The following EPB41L2 variants were observed in gnomAD, a reference collection of about 807,000 sequenced individuals.
The protein encoded by EPB41L2 is erythrocyte membrane protein band 4.1 like 2.
In EPB41L2, 43 loss-of-function variants were observed where a neutral mutation model predicts 113.0. The ratio of observed to expected loss-of-function variants is 0.38; its 90% CI spans 0.30 to 0.49. The LOEUF is 0.49. EPB41L2 is among the 20% of genes least tolerant of loss of function. The pLI is 0.95. For synonymous variants in EPB41L2, 442 were observed against 436.7 expected, an observed-to-expected ratio of 1.01 and a Z score of -0.15; for missense variants, 1,147 against 1,223.4, an observed-to-expected ratio of 0.94 and a Z score of 0.93.
At chr6:130,976,181 C>CG (rs1196526279) in intron 1 of EPB41L2, among the ~76,000 whole-genome samples, 6 of 152,132 alleles carry the variant, frequency 3.9e-5, no homozygotes, top group Admixed American at 3.9e-4. Context: ...ACTTCCCAGT[C>CG]GGTCTATAAA....
chr6:130,855,464 C>T (rs566776851), intron 19 of EPB41L2, among the ~76,000 whole-genome samples: 1 of 152,240 alleles, frequency 6.6e-6, no homozygotes, highest in African/African-American at 2.4e-5. Context: ...TTTATTTTTA[C>T]TAAAATTGTT....
At chr6:130,879,466 T>C (rs1447508079) in intron 13 of EPB41L2, among the ~76,000 whole-genome samples, 2 of 152,162 alleles carry the variant, frequency 1.3e-5, no homozygotes, top group African/African-American at 4.8e-5. Context: ...CAGTTCTCCA[T>C]TGAATACATT....
chr6:130,966,390 G>C lies in EPB41L2; in HGVS notation c.-14-9891C>G, dbSNP rs76272526. 1.1e-3 allele frequency among the ~76,000 whole-genome samples: 160 copies of C among 152,318 alleles called. 5 individuals carry two copies. In the East Asian group the frequency reaches 0.029, roughly 28 times the overall value. On this transcript the variant is annotated intron_variant, in intron 1 of 19. Transcript: ENST00000337057. ...TGTTAAGTACAAACAGCAAGATTCA[G>C]ACGGTATAAGTGATAGGTCACTTTA...
At chr6:130,862,219 C>T (rs1458397078) in intron 18 of EPB41L2, among the ~76,000 whole-genome samples, 2 of 151,798 alleles carry the variant, frequency 1.3e-5, no homozygotes, top group African/African-American at 2.4e-5. Context: ...TTATAAAAGG[C>T]AAAACAATAC....
intron 13 of EPB41L2, among the ~76,000 whole-genome samples, chr6:130,879,577 T>C (rs980330326): frequency 2.0e-5 from 3 of 152,032 alleles, no homozygotes; most frequent in African/African-American, 4.8e-5. Flanking sequence ...GATTGGGCTT[T>C]CTTTTTCTCC....
rs550579883 is a variant in EPB41L2, at chr6:130,860,556, G to A, written c.2911-2313C>T. Among the ~76,000 whole-genome samples, 11 of 151,778 alleles carry A rather than the reference G, an allele frequency of 7.2e-5. No individual in the cohort carries two copies. In the South Asian group the frequency reaches 1.5e-3, roughly 20 times the overall value. ...ATTTTTATTTTTATTTTTTTGAGAC[G>A]GAGTCTCGCTCTGTCGCCCAGGCTG... On this transcript the variant is annotated intron_variant, in intron 18 of 19. Transcript: ENST00000337057.
chr6:130,870,289 A>G, intron 14 of EPB41L2, 163 bp from the exon 15 acceptor site: 1 of 1,549,834 alleles, frequency 6.5e-7, no homozygotes, highest in East Asian at 2.4e-5. Context: ...GCAATGAGAA[A>G]CGTGAGGCAA....
chr6:130,934,278 G>T (rs956399480), intron 3 of EPB41L2, among the ~76,000 whole-genome samples: 1 of 152,146 alleles, frequency 6.6e-6, no homozygotes, highest in African/African-American at 2.4e-5. Flanking sequence ...TTGTGTGTGT[G>T]TTAAAAACAT....
chr6:130,861,874 CAAAA>C (rs558987011), intron 18 of EPB41L2, among the ~76,000 whole-genome samples: 1 of 120,674 alleles, frequency 8.3e-6, no homozygotes, highest in African/African-American at 3.1e-5. Context: ...TCCATCTCCC[CAAAA>C]AAAAAAAAAA....
At chr6:130,954,580 TTC>T (rs1261977859) in intron 3 of EPB41L2, among the ~76,000 whole-genome samples, 1 of 152,210 alleles carries the variant, frequency 6.6e-6, no homozygotes, top group Non-Finnish European at 1.5e-5. Flanking sequence ...CAACAAACTC[TTC>T]TGATTGACAT....
intron 19 of EPB41L2, among the ~76,000 whole-genome samples, chr6:130,852,848 T>G (rs1779163026): frequency 6.6e-6 from 1 of 152,162 alleles, no homozygotes; most frequent in Admixed American, 6.5e-5. Flanking sequence ...TTTTGCACTG[T>G]TCTTGGAGCA....
At chr6:130,842,612 C>T (rs1775865850) in intron 19 of EPB41L2, among the ~76,000 whole-genome samples, 1 of 152,114 alleles carries the variant, frequency 6.6e-6, no homozygotes, top group Non-Finnish European at 1.5e-5. Context: ...TTCTAGTCTC[C>T]ATTTTCTCTA....
intron 10 of EPB41L2, among the ~76,000 whole-genome samples, chr6:130,894,012 A>C (rs1173368829): frequency 1.3e-5 from 2 of 152,088 alleles, no homozygotes; most frequent in Non-Finnish European, 2.9e-5. Context: ...CTCAGTTATA[A>C]ATGACAATGC....
intron 1 of EPB41L2, among the ~76,000 whole-genome samples, chr6:130,988,370 C>T (rs1165738652): frequency 6.6e-6 from 1 of 152,122 alleles, no homozygotes; most frequent in Non-Finnish European, 1.5e-5. Flanking sequence ...TTACAGAAAT[C>T]AAGAGTAAAG....
chr6:131,027,813 A>C (rs1791217290), intron 1 of EPB41L2, among the ~76,000 whole-genome samples: 1 of 152,248 alleles, frequency 6.6e-6, no homozygotes, highest in Admixed American at 6.5e-5. Flanking sequence ...GTTTTTAAAA[A>C]TTTTAAAAAT....
chr6:131,037,476 G>A (rs1793564261), intron 1 of EPB41L2, among the ~76,000 whole-genome samples: 1 of 151,032 alleles, frequency 6.6e-6, no homozygotes, highest in African/African-American at 2.4e-5. Flanking sequence ...GCATATAAAT[G>A]CTTATAAAAT....
chr6:130,929,107 C>A (rs1355346016), intron 3 of EPB41L2, among the ~76,000 whole-genome samples: 1 of 152,196 alleles, frequency 6.6e-6, no homozygotes, highest in Non-Finnish European at 1.5e-5. Flanking sequence ...ATCTGCCTCT[C>A]CACCCTCAAC....
intron 15 of EPB41L2, chr6:130,868,946 AG>A (rs1468991007): frequency 2.0e-5 from 3 of 152,448 alleles, no homozygotes; most frequent in African/African-American, 7.2e-5. Context: ...CTGGAAGAAA[AG>A]AAAGGCTCTT....
At position 130,925,644 on chromosome 6, in the gene EPB41L2, T is replaced by C. The variant is rs28664083; in HGVS notation, c.810+961A>G. ...TGATCTCAAAAAAAGGAGGTAATCC[T>C]AGCCAAATTCCCACCACTTTCTCTT... is the stretch of plus-strand genomic sequence containing the variant. On this transcript the variant is annotated intron_variant, in intron 4 of 19. Transcript: ENST00000337057. 8.0e-3 allele frequency among the ~76,000 whole-genome samples: 1,224 copies of C among 152,320 alleles called. 12 individuals are homozygous for C. Among genetic ancestry groups the C allele is most frequent in the African/African-American group, 0.026 (1,079 of 41,568 alleles).
Sources: allele counts gnomAD v4.1 joint callset (sites outside exome capture counted in the v4.1 genomes callset), GRCh38; gene constraint gnomAD v4.1.1; transcripts MANE v1.5; gene names NCBI Gene and HGNC (gene_info 2026-07-23, HGNC 2026-07-21).